The following FHIT variants were observed in gnomAD, a reference collection of about 807,000 sequenced individuals.
FHIT encodes the protein fragile histidine triad diadenosine triphosphatase.
In FHIT, 19 loss-of-function variants were observed where a neutral mutation model predicts 17.9. The ratio of observed to expected loss-of-function variants is 1.06; its 90% CI spans 0.74 to 1.56. The LOEUF (loss-of-function observed/expected upper bound fraction) is 1.56. Among genes scored for constraint, FHIT ranks in the 40% most tolerant of loss-of-function variants. The probability of loss-of-function intolerance (pLI) is 0.00; values close to 1 mark genes in which losing one functional copy is unlikely to be tolerated. For missense variants in FHIT, 248 were observed against 189.2 expected, an observed-to-expected ratio of 1.31 and a Z score of -1.82; for synonymous variants, 81 against 69.7, an observed-to-expected ratio of 1.16 and a Z score of -0.81.
At chr3:60,076,451 A>G (rs1212422807) in intron 5 of FHIT, among the ~76,000 whole-genome samples, 1 of 151,702 alleles carries the variant, frequency 6.6e-6, no homozygotes. Context: ...CTCGTGCAAG[A>G]AAGTGAAAGT....
chr3:60,926,998 G>A (rs72889184), intron 3 of FHIT, among the ~76,000 whole-genome samples: 6,573 of 151,966 alleles, frequency 0.043, 491 homozygotes, highest in African/African-American at 0.15. Context: ...CGCTTTCCAC[G>A]GTGCCCCCCT....
chr3:61,169,452 A>T (rs2037933688), intron 2 of FHIT, among the ~76,000 whole-genome samples: 1 of 152,182 alleles, frequency 6.6e-6, no homozygotes, highest in African/African-American at 2.4e-5. Context: ...TCATAACTTT[A>T]CCTTTTACTG....
chr3:59,962,404 C>G (rs1201854226), intron 7 of FHIT, among the ~76,000 whole-genome samples: 1 of 152,122 alleles, frequency 6.6e-6, no homozygotes, highest in African/African-American at 2.4e-5. Flanking sequence ...TTACAATAAA[C>G]CTATACTTTC....
At chr3:60,145,238 A>C (rs937374833) in intron 5 of FHIT, among the ~76,000 whole-genome samples, 2 of 152,144 alleles carry the variant, frequency 1.3e-5, no homozygotes, top group Non-Finnish European at 2.9e-5. Flanking sequence ...TGAATACACA[A>C]GGTTTTTTGT....
intron 4 of FHIT, among the ~76,000 whole-genome samples, chr3:60,791,592 G>C (rs1217027492): frequency 6.6e-6 from 1 of 152,192 alleles, no homozygotes; most frequent in Non-Finnish European, 1.5e-5. Context: ...CATCATTCCA[G>C]CTGTCCAGAA....
chr3:60,014,252 G>T, intron 5 of FHIT, 100 bp from the exon 6 acceptor site: 1 of 1,199,130 alleles, frequency 8.3e-7, no homozygotes, highest in Non-Finnish European at 1.2e-6. Context: ...ACCAGGGCCT[G>T]AACTCTCAAA....
chr3:60,322,682 G>A lies in FHIT; in HGVS notation c.103+214178C>T, dbSNP rs116107045. 5.9e-3 allele frequency among the ~76,000 whole-genome samples: 900 copies of A among 152,220 alleles called. 7 individuals carry two copies. Among genetic ancestry groups the A allele is most frequent in the African/African-American group, 0.021 (856 of 41,512 alleles). On this transcript the variant is annotated intron_variant, in intron 5 of 9. Coordinates refer to ENST00000492590, the MANE Select transcript of FHIT (RefSeq NM_002012.4). ...ACCTGCACTTGCACTGTTAAACTGG[G>A]AAAAGATTAATAAGTACAATCGTAT...
chr3:60,988,119 T>G (rs545597553), intron 3 of FHIT, among the ~76,000 whole-genome samples: 1 of 152,226 alleles, frequency 6.6e-6, no homozygotes, highest in Non-Finnish European at 1.5e-5. Context: ...AAAAATCAGA[T>G]GTTTGTTGGT....
chr3:60,100,309 G>A lies in FHIT; in HGVS notation c.104-86157C>T, dbSNP rs753649775. ...TGAGACAAGAGAATCGCTTGAACCCGGGAGGTGGAGGTTGCACTGAGCTGA... is the reference window on the plus strand; with the variant it reads ...TGAGACAAGAGAATCGCTTGAACCCAGGAGGTGGAGGTTGCACTGAGCTGA... On this transcript the variant is annotated intron_variant, in intron 5 of 9. Coordinates refer to ENST00000492590, the MANE Select transcript of FHIT (RefSeq NM_002012.4). Among the ~76,000 whole-genome samples the A allele has an allele frequency of 9.9e-5, 15 of 151,998 alleles. 1 individual carries two copies. The highest frequency in any genetic ancestry group is 2.1e-4 in the Non-Finnish European group (14 of 67,998).
chr3:60,706,493 G>A (rs1046325226), intron 4 of FHIT, among the ~76,000 whole-genome samples: 5 of 152,176 alleles, frequency 3.3e-5, no homozygotes, highest in African/African-American at 1.2e-4. Flanking sequence ...GATCATATCA[G>A]GGTTAGAGGA....
chr3:60,029,659 G>A (rs1170924391), intron 5 of FHIT, among the ~76,000 whole-genome samples: 1 of 152,130 alleles, frequency 6.6e-6, no homozygotes, highest in Non-Finnish European at 1.5e-5. Context: ...AAAAGAAAAT[G>A]ATATTTATTG....
chr3:61,186,311 C>A (rs559638597), intron 2 of FHIT, among the ~76,000 whole-genome samples: 1 of 152,310 alleles, frequency 6.6e-6, no homozygotes, highest in South Asian at 2.1e-4. Flanking sequence ...TCCTGCCAAG[C>A]AAGATTAAGT....
At chr3:60,015,765 T>C (rs1403116394) in intron 5 of FHIT, among the ~76,000 whole-genome samples, 4 of 152,200 alleles carry the variant, frequency 2.6e-5, no homozygotes, top group African/African-American at 4.8e-5. Context: ...ACTTCAACAA[T>C]GGCTTACTGT....
chr3:59,871,467 C>T (rs748489415), intron 8 of FHIT, among the ~76,000 whole-genome samples: 60 of 152,140 alleles, frequency 3.9e-4, no homozygotes, highest in Non-Finnish European at 7.1e-4. Context: ...CACACGCACA[C>T]ATACAAAGAC....
chr3:60,740,714 A>C (rs1577144547), intron 4 of FHIT, among the ~76,000 whole-genome samples: 1 of 152,150 alleles, frequency 6.6e-6, no homozygotes, highest in Non-Finnish European at 1.5e-5. Context: ...TGTTCTCTTA[A>C]ACCAGTCCTT....
rs369008502 is a variant in FHIT at position 60,308,508 on chromosome 3, A to G, written c.103+228352T>C. 9.4e-4 allele frequency among the ~76,000 whole-genome samples: 115 copies of G among 122,040 alleles called. 1 individual carries two copies. The highest frequency in any genetic ancestry group is 2.8e-3 in the African/African-American group (92 of 32,954). The allele number at this position is 122,040 out of a possible 152,430, so 80.1% of individuals were successfully genotyped here. On this transcript the variant is annotated intron_variant, in intron 5 of 9. Transcript: ENST00000492590. ...TATAGGTGTATGTGTATATATATAT[A>G]TATATATATATATATATATATGCCT...
intron 7 of FHIT, among the ~76,000 whole-genome samples, chr3:60,008,794 C>G (rs1326187441): frequency 6.6e-6 from 1 of 152,194 alleles, no homozygotes; most frequent in East Asian, 1.9e-4. Flanking sequence ...AACTGGACAG[C>G]TGAATATTAA....
intron 5 of FHIT, among the ~76,000 whole-genome samples, chr3:60,520,505 A>G (rs965502176): frequency 2.6e-5 from 4 of 152,160 alleles, no homozygotes; most frequent in Non-Finnish European, 5.9e-5. Context: ...TAAAAGAGAA[A>G]CATCTCGTCT....
intron 3 of FHIT, among the ~76,000 whole-genome samples, chr3:61,006,454 T>G (rs1430077191): frequency 6.6e-6 from 1 of 152,022 alleles, no homozygotes; most frequent in Non-Finnish European, 1.5e-5. Flanking sequence ...GAATCCAAGG[T>G]GAGAAATATT....
Sources: allele counts gnomAD v4.1 joint callset (sites outside exome capture counted in the v4.1 genomes callset), GRCh38; gene constraint gnomAD v4.1.1; transcripts MANE v1.5; gene names NCBI Gene and HGNC (gene_info 2026-07-23, HGNC 2026-07-21).